The following LRRC4C variants were observed in gnomAD, a reference collection of about 807,000 sequenced individuals.
LRRC4C encodes leucine rich repeat containing 4C.
LRRC4C carries 5 observed loss-of-function variants against 33.6 expected under a neutral mutation model. The observed-to-expected ratio is 0.15, with a 90% CI of 0.08 to 0.31. The LOEUF (loss-of-function observed/expected upper bound fraction) is 0.31. Among genes scored for constraint, LRRC4C ranks in the 10% least tolerant of loss-of-function variants. LRRC4C has a pLI of 1.00. For synonymous variants in LRRC4C, 329 were observed against 302.0 expected (o/e 1.09, Z -0.93); for missense variants, 560 against 796.7 (o/e 0.70, Z 3.58).
At chr11:41,070,725 A>T (rs1341402095) in intron 1 of LRRC4C, among the ~76,000 whole-genome samples, 2 of 152,212 alleles carry the variant, frequency 1.3e-5, no homozygotes, top group East Asian at 3.9e-4. Context: ...ATAACATTTC[A>T]TGCCAATCAG....
chr11:40,154,300 A>C (rs1181492028), intron 5 of LRRC4C, among the ~76,000 whole-genome samples: 15 of 151,646 alleles, frequency 9.9e-5, no homozygotes, highest in East Asian at 3.9e-4. Flanking sequence ...AAAAAAAAAA[A>C]AAACAAAAAG....
intron 3 of LRRC4C, among the ~76,000 whole-genome samples, chr11:40,404,073 G>A (rs1371415273): frequency 2.6e-5 from 4 of 152,146 alleles, no homozygotes; most frequent in African/African-American, 9.7e-5. Context: ...GACATACACA[G>A]AAACTTTAAA....
At chr11:40,814,333 G>T (rs1951618135) in intron 2 of LRRC4C, among the ~76,000 whole-genome samples, 1 of 152,158 alleles carries the variant, frequency 6.6e-6, no homozygotes, top group Non-Finnish European at 1.5e-5. Context: ...CTGAAGCCAT[G>T]GCTTGAGCTG....
chr11:40,401,453 T>A (rs552896866), intron 3 of LRRC4C, among the ~76,000 whole-genome samples: 1 of 152,268 alleles, frequency 6.6e-6, no homozygotes, highest in African/African-American at 2.4e-5. Flanking sequence ...GGCTTTCATT[T>A]ACCCTTTGAG....
At chr11:41,438,064 A>AATAAATACATAC (rs139362584) in intron 1 of LRRC4C, among the ~76,000 whole-genome samples, 7 of 148,574 alleles carry the variant, frequency 4.7e-5, no homozygotes, top group Non-Finnish European at 8.9e-5. Flanking sequence ...TAAATAAATA[A>AATAAATACATAC]ATAAATAATA....
At chr11:40,939,952 T>C (rs780488366) in intron 1 of LRRC4C, among the ~76,000 whole-genome samples, 13 of 152,104 alleles carry the variant, frequency 8.5e-5, no homozygotes, top group Non-Finnish European at 1.6e-4. Flanking sequence ...TCCGTGAAGG[T>C]CCAATCAGAG....
chr11:40,623,676 T>A (rs997943170), intron 3 of LRRC4C, among the ~76,000 whole-genome samples: 4 of 152,102 alleles, frequency 2.6e-5, no homozygotes, highest in African/African-American at 9.7e-5. Context: ...GCCAACTTGT[T>A]CCAACAATGT....
chr11:40,933,383 A>G (rs545520861), intron 2 of LRRC4C, among the ~76,000 whole-genome samples: 1 of 152,350 alleles, frequency 6.6e-6, no homozygotes, highest in Admixed American at 6.5e-5. Context: ...GCAATTGACC[A>G]TATTAATTTA....
At chr11:40,550,005 G>C (rs1306992847) in intron 3 of LRRC4C, among the ~76,000 whole-genome samples, 2 of 151,930 alleles carry the variant, frequency 1.3e-5, no homozygotes, top group Non-Finnish European at 2.9e-5. Flanking sequence ...CAGTGGAATG[G>C]CCATGTTTTA....
At chr11:40,502,828 G>A (rs1954844653) in intron 3 of LRRC4C, among the ~76,000 whole-genome samples, 1 of 152,044 alleles carries the variant, frequency 6.6e-6, no homozygotes, top group South Asian at 2.1e-4. Context: ...CAAAGTTATA[G>A]GTAAACAATT....
chr11:40,239,437 C>A (rs1438127039), intron 5 of LRRC4C, among the ~76,000 whole-genome samples: 2 of 152,138 alleles, frequency 1.3e-5, no homozygotes, highest in Admixed American at 1.3e-4. Context: ...GGAAATCTCA[C>A]ATGGCTTCTT....
At chr11:40,539,024 G>T (rs1956594466) in intron 3 of LRRC4C, among the ~76,000 whole-genome samples, 2 of 152,048 alleles carry the variant, frequency 1.3e-5, no homozygotes, top group African/African-American at 2.4e-5. Context: ...GTTCATTGTA[G>T]ATTCTGGATA....
chr11:41,343,323 A>G (rs1951698412), intron 1 of LRRC4C, among the ~76,000 whole-genome samples: 1 of 152,188 alleles, frequency 6.6e-6, no homozygotes, highest in Non-Finnish European at 1.5e-5. Context: ...GTGGTGATTC[A>G]ACTGATTCTT....
At chr11:41,265,920 C>T (rs2136783461) in intron 1 of LRRC4C, among the ~76,000 whole-genome samples, 1 of 151,578 alleles carries the variant, frequency 6.6e-6, no homozygotes, top group South Asian at 2.1e-4. Context: ...GTCAGTTCTC[C>T]AACATAACTC....
intron 2 of LRRC4C, among the ~76,000 whole-genome samples, chr11:40,901,999 TACACACACACACACAC>T (rs369525560): frequency 0.082 from 11,467 of 139,816 alleles, 552 homozygotes; most frequent in Admixed American, 0.17. Context: ...TCTCTCTCTC[TACACACACACACACAC>T]ACACACACAC....
intron 1 of LRRC4C, among the ~76,000 whole-genome samples, chr11:41,015,217 T>G (rs1855493477): frequency 6.6e-6 from 1 of 152,232 alleles, no homozygotes; most frequent in Non-Finnish European, 1.5e-5. Context: ...ATATTTTATT[T>G]ACAATCACAC....
chr11:41,170,345 C>T (rs1214310858), intron 1 of LRRC4C, among the ~76,000 whole-genome samples: 2 of 152,142 alleles, frequency 1.3e-5, no homozygotes, highest in East Asian at 1.9e-4. Context: ...CGCTACCTGA[C>T]TTCAAACTAT....
chr11:40,653,658 T>C (rs1942936245), intron 2 of LRRC4C, among the ~76,000 whole-genome samples: 1 of 152,330 alleles, frequency 6.6e-6, no homozygotes, highest in East Asian at 1.9e-4. Context: ...TTTGGAAAAT[T>C]TGCAGCCTGA....
At chr11:41,376,450 C>T (rs1349394472) in intron 1 of LRRC4C, among the ~76,000 whole-genome samples, 1 of 152,116 alleles carries the variant, frequency 6.6e-6, no homozygotes, top group South Asian at 2.1e-4. Context: ...CAACTAATGG[C>T]CAGACTAGCA....
Sources: allele counts gnomAD v4.1 joint callset (sites outside exome capture counted in the v4.1 genomes callset), GRCh38; gene constraint gnomAD v4.1.1; transcripts MANE v1.5; gene names NCBI Gene and HGNC (gene_info 2026-07-23, HGNC 2026-07-21).